Variants in HNF4G observed in about 807,000 individuals in gnomAD.
HNF4G encodes the protein hepatocyte nuclear factor 4 gamma.
A neutral mutation model predicts 50.9 loss-of-function variants in HNF4G; 21 were observed. The ratio of observed to expected loss-of-function variants is 0.41; its 90% CI spans 0.29 to 0.59. The LOEUF is 0.59. Ranked by LOEUF, HNF4G falls within the 20% of genes least tolerant of loss-of-function variation. The pLI is 0.26. For missense variants in HNF4G, 527 were observed against 559.4 expected, an observed-to-expected ratio of 0.94 and a Z score of 0.58; for synonymous variants, 198 against 185.6, an observed-to-expected ratio of 1.07 and a Z score of -0.54.
chr8:75,418,917 GGTTTT>G (rs1810711443), intron 1 of HNF4G, among the ~76,000 whole-genome samples: 1 of 151,806 alleles, frequency 6.6e-6, no homozygotes, highest in Non-Finnish European at 1.5e-5. Context: ...GGTAGAGGCG[GGTTTT>G]CTCCATGTTG....
chr8:75,519,836 G>A (rs1805992529), intron 2 of HNF4G, among the ~76,000 whole-genome samples: 2 of 116,656 alleles, frequency 1.7e-5, no homozygotes, highest in South Asian at 2.7e-4. Context: ...TTGTGCATGT[G>A]AGCGTGTGTG....
chr8:75,546,571 A>C (rs1171530563), intron 2 of HNF4G, among the ~76,000 whole-genome samples: 1 of 152,122 alleles, frequency 6.6e-6, no homozygotes, highest in Admixed American at 6.6e-5. Flanking sequence ...CTGTTTCTAC[A>C]GATTTGCCTT....
chr8:75,491,100 GACT>G (rs1812618757), intron 2 of HNF4G, among the ~76,000 whole-genome samples: 1 of 152,128 alleles, frequency 6.6e-6, no homozygotes, highest in Admixed American at 6.6e-5. Context: ...TGAGTTCTAT[GACT>G]TTAAGCAAGT....
At chr8:75,482,555 A>T (rs897767532) in intron 1 of HNF4G, among the ~76,000 whole-genome samples, 19 of 152,092 alleles carry the variant, frequency 1.2e-4, no homozygotes, top group Admixed American at 4.6e-4. Context: ...TTTTATAGAG[A>T]TGGGGTTTCA....
In HNF4G at chr8:75,553,217, TAAATGCTTTAA is replaced by T. The variant is rs769427631; in HGVS notation, c.645+29_645+39del. 6.3e-7 allele frequency: 1 copy of T among 1,588,352 alleles called. No individual in the cohort carries two copies. Among genetic ancestry groups the T allele is most frequent in the Admixed American group, 1.7e-5 (1 of 57,678 alleles). The stretch of plus-strand genomic sequence containing the variant: ...GATCAGGTACACATTTAAAACTTTA[TAAATGCTTTAA>T]AAATGCTTCTTGAACTTTGCTAAGT... On this transcript the variant is annotated intron_variant, in intron 5 of 9. Transcript: ENST00000396423.
At chr8:75,522,198 G>C (rs1806062898) in intron 2 of HNF4G, among the ~76,000 whole-genome samples, 1 of 152,114 alleles carries the variant, frequency 6.6e-6, no homozygotes, top group South Asian at 2.1e-4. Flanking sequence ...TAGTATATTA[G>C]TTCCTTAATT....
At chr8:75,408,192 G>A (rs1293189302) in intron 1 of HNF4G, 2 of 153,180 alleles carry the variant, frequency 1.3e-5, no homozygotes, top group Non-Finnish European at 2.9e-5. Context: ...GGGGACCGGG[G>A]AATTGAAAGG....
chr8:75,478,661 C>T (rs1416613987), intron 1 of HNF4G, among the ~76,000 whole-genome samples: 1 of 152,136 alleles, frequency 6.6e-6, no homozygotes, highest in Admixed American at 6.6e-5. Context: ...GCTAGTGTAC[C>T]TTTTTGAGAC....
At chr8:75,513,324 C>T (rs1349100118) in intron 2 of HNF4G, among the ~76,000 whole-genome samples, 1 of 152,164 alleles carries the variant, frequency 6.6e-6, no homozygotes, top group Non-Finnish European at 1.5e-5. Flanking sequence ...AAGCATGAGC[C>T]ACCGCACCTG....
chr8:75,550,661 A>T lies in HNF4G; in HGVS notation c.383-727A>T, dbSNP rs77015428. 6.7e-3 allele frequency among the ~76,000 whole-genome samples: 1,009 copies of T among 151,086 alleles called. 11 individuals carry two copies. Among genetic ancestry groups the T allele is most frequent in the African/African-American group, 0.023 (953 of 41,090 alleles). On this transcript the variant is annotated intron_variant, in intron 3 of 9. Transcript: ENST00000396423. The stretch of plus-strand genomic sequence containing the variant: ...CTGTCACTCTTCCTTATATTTAAAA[A>T]TGCAGTTTTCAGTAAGGGATTTGGG...
chr8:75,463,616 C>G (rs546110571), intron 1 of HNF4G, among the ~76,000 whole-genome samples: 1 of 151,798 alleles, frequency 6.6e-6, no homozygotes, highest in Non-Finnish European at 1.5e-5. Context: ...TCAACAGAGT[C>G]TATACTCTTC....
intron 1 of HNF4G, among the ~76,000 whole-genome samples, chr8:75,410,966 A>T (rs916768154): frequency 2.0e-5 from 3 of 152,190 alleles, no homozygotes; most frequent in African/African-American, 7.2e-5. Context: ...TGAATACTTA[A>T]TATGCACTAG....
rs544584962 is a variant in HNF4G, at chr8:75,449,529, C to T, written c.-143-40560C>T. Reference sequence around the variant, plus strand: ...TTTTTCTTTTTTTTTTTTTTTGAGACGGAGTCTCACTCTGTCGCCCAGGCT... The same window carrying T: ...TTTTTCTTTTTTTTTTTTTTTGAGATGGAGTCTCACTCTGTCGCCCAGGCT... On this transcript the variant is annotated intron_variant, in intron 1 of 10. Transcript: ENST00000354370. Among the ~76,000 whole-genome samples the T allele has an allele frequency of 6.3e-3, 682 of 107,788 alleles. 13 individuals carry two copies. Among genetic ancestry groups the T allele is most frequent in the African/African-American group, 0.025 (653 of 25,734 alleles). 70.7% of individuals were successfully genotyped at this position (107,788 alleles called of 152,430 possible).
intron 1 of HNF4G, among the ~76,000 whole-genome samples, chr8:75,447,150 T>G (rs1335265608): frequency 2.5e-5 from 2 of 79,698 alleles, no homozygotes; most frequent in South Asian, 4.8e-4. Context: ...TATCTGATCT[T>G]TGACAAACCT....
At chr8:75,432,363 C>T (rs1248632447) in intron 1 of HNF4G, among the ~76,000 whole-genome samples, 1 of 152,110 alleles carries the variant, frequency 6.6e-6, no homozygotes, top group Non-Finnish European at 1.5e-5. Context: ...GTTGCCCAGG[C>T]TGGAGTGCAG....
At chr8:75,444,402 T>C (rs945939293) in intron 1 of HNF4G, among the ~76,000 whole-genome samples, 9 of 150,676 alleles carry the variant, frequency 6.0e-5, no homozygotes, top group Non-Finnish European at 1.2e-4. Context: ...AACATCATAA[T>C]GACAGGATCA....
At chr8:75,500,092 C>T (rs1022732198) in intron 2 of HNF4G, among the ~76,000 whole-genome samples, 3 of 151,992 alleles carry the variant, frequency 2.0e-5, no homozygotes, top group African/African-American at 4.8e-5. Flanking sequence ...GACAATTCAT[C>T]GAATGGGAGA....
intron 2 of HNF4G, among the ~76,000 whole-genome samples, chr8:75,506,724 T>A (rs1189349888): frequency 6.6e-6 from 1 of 152,212 alleles, no homozygotes; most frequent in Non-Finnish European, 1.5e-5. Context: ...AATTCCACTT[T>A]TCTTCTCCCT....
In HNF4G at chr8:75,560,401, A is replaced by G. The variant is rs759831010; in HGVS notation, c.1181A>G (p.Asp394Gly). 1.9e-6 allele frequency: 3 copies of G among 1,613,236 alleles called. No individual in the cohort carries two copies. ...HHPMHPHLSQ[D>G]PLTGQTILLG... ...CCAATGCATCCACATTTGTCTCAAG[A>G]CCCATTAACTGGACAAACTATACTT... Residue 394 changes from aspartate to glycine, a missense_variant, in exon 9 of 10, where the codon GAC becomes GGC. Physicochemically the swap from Asp to Gly is moderately conservative, Grantham distance 94. Coordinates refer to ENST00000396423, the MANE Select transcript of HNF4G (RefSeq NM_004133.5).
Sources: gnomAD v4.1 joint callset for allele counts (sites outside exome capture counted in the v4.1 genomes callset) on GRCh38, gnomAD v4.1.1 for gene constraint, MANE v1.5 for transcripts, NCBI Gene and HGNC (gene_info 2026-07-23, HGNC 2026-07-21) for gene names.